LRRC4C: variants seen among roughly 807,000 people sequenced by gnomAD.
LRRC4C encodes the protein leucine-rich repeat-containing protein 4C.
In LRRC4C, 5 loss-of-function variants were observed where a neutral mutation model predicts 33.6. The ratio of observed to expected loss-of-function variants is 0.15; its 90% CI spans 0.08 to 0.31. The LOEUF (loss-of-function observed/expected upper bound fraction) is 0.31. LRRC4C is among the 10% of genes least tolerant of loss of function. The pLI is 1.00. For missense variants in LRRC4C, 560 were observed against 796.7 expected (o/e 0.70, Z 3.58); for synonymous variants, 329 against 302.0 (o/e 1.09, Z -0.93).
chr11:41,162,276 T>TC (rs1944506784), intron 1 of LRRC4C, among the ~76,000 whole-genome samples: 1 of 152,142 alleles, frequency 6.6e-6, no homozygotes, highest in Admixed American at 6.6e-5. Flanking sequence ...CTTGCCTTTA[T>TC]CACCAATAAA....
intron 3 of LRRC4C, among the ~76,000 whole-genome samples, chr11:40,465,669 A>G (rs1197233457): frequency 3.3e-5 from 5 of 152,022 alleles, no homozygotes; most frequent in Admixed American, 6.6e-5. Context: ...AGGAAAATTT[A>G]CAAATGATGA....
chr11:40,224,950 CT>C (rs1257629559), intron 5 of LRRC4C, among the ~76,000 whole-genome samples: 1 of 152,178 alleles, frequency 6.6e-6, no homozygotes, highest in Non-Finnish European at 1.5e-5. Flanking sequence ...AGTCAATCCC[CT>C]CTTCTTAAAA....
At chr11:40,166,454 G>T (rs546876663) in intron 5 of LRRC4C, among the ~76,000 whole-genome samples, 2 of 152,144 alleles carry the variant, frequency 1.3e-5, no homozygotes, top group Non-Finnish European at 2.9e-5. Context: ...GGAGCGGGCA[G>T]TTACTGGAAG....
intron 3 of LRRC4C, among the ~76,000 whole-genome samples, chr11:40,536,487 C>T (rs188071868): frequency 1.4e-4 from 22 of 152,178 alleles, no homozygotes; most frequent in Admixed American, 2.6e-4. Context: ...CCACCGTGCC[C>T]GGCCCCAAAC....
At chr11:40,187,491 C>T (rs1392854708) in intron 5 of LRRC4C, among the ~76,000 whole-genome samples, 1 of 151,972 alleles carries the variant, frequency 6.6e-6, no homozygotes, top group African/African-American at 2.4e-5. Context: ...TGTCTACCTC[C>T]CCTTCTCTGC....
intron 3 of LRRC4C, among the ~76,000 whole-genome samples, chr11:40,580,356 A>T (rs1331102103): frequency 6.9e-6 from 1 of 145,220 alleles, no homozygotes; most frequent in African/African-American, 2.9e-5. Context: ...ATGAGAACTC[A>T]TTCACTATTA....
chr11:40,136,186 G>A (rs1856958453), intron 6 of LRRC4C, among the ~76,000 whole-genome samples: 2 of 151,922 alleles, frequency 1.3e-5, no homozygotes, highest in South Asian at 2.1e-4. Flanking sequence ...AAACTGTATG[G>A]CTTGCAAAGC....
At chr11:40,434,786 T>C (rs577867667) in intron 3 of LRRC4C, among the ~76,000 whole-genome samples, 37 of 152,320 alleles carry the variant, frequency 2.4e-4, no homozygotes, top group Non-Finnish European at 4.6e-4. Context: ...TAAAGTATCA[T>C]ATTTGATTTA....
At chr11:40,179,151 T>A (rs1436267017) in intron 5 of LRRC4C, among the ~76,000 whole-genome samples, 1 of 151,874 alleles carries the variant, frequency 6.6e-6, no homozygotes, top group Non-Finnish European at 1.5e-5. Context: ...ACTGCGGGTG[T>A]GTGCCACCAT....
At chr11:40,336,842 CGGG>C (rs902055001) in intron 3 of LRRC4C, among the ~76,000 whole-genome samples, 1 of 151,276 alleles carries the variant, frequency 6.6e-6, no homozygotes, top group Admixed American at 6.6e-5. Context: ...TCGGGAGTGG[CGGG>C]GGGCGCCTGT....
rs571305028 is a variant in LRRC4C at position 41,450,556 on chromosome 11, G to C, written c.-496+8875C>G. The stretch of plus-strand genomic sequence containing the variant: ...TTCAGGTAGACACTGCTTTTAATGA[G>C]TTTTTATCTTGGGCAAATCACAAGT... On this transcript the variant is annotated intron_variant, in intron 1 of 6. Coordinates refer to ENST00000528697, the MANE Select transcript of LRRC4C (RefSeq NM_001258419.2). 2.0e-5 allele frequency among the ~76,000 whole-genome samples: 3 copies of C among 152,208 alleles called. No individual in the cohort carries two copies. The South Asian group carries it at 6.2e-4, about 32-fold the overall frequency.
At chr11:40,897,758 G>C (rs1221149471) in intron 2 of LRRC4C, among the ~76,000 whole-genome samples, 1 of 152,108 alleles carries the variant, frequency 6.6e-6, no homozygotes, top group African/African-American at 2.4e-5. Context: ...TCTCTTAACT[G>C]ACTGACCTAC....
intron 1 of LRRC4C, among the ~76,000 whole-genome samples, chr11:41,214,573 T>TACAAAAAAAAAAAAAAAAAAAA (rs1946959762): frequency 1.0e-4 from 2 of 19,388 alleles, no homozygotes; most frequent in African/African-American, 5.7e-4. Flanking sequence ...CTACTAAAAA[T>TACAAAAAAAAAAAAAAAAAAAA]ACAAAAAAAA....
chr11:40,380,897 A>G (rs1948837338), intron 3 of LRRC4C, among the ~76,000 whole-genome samples: 1 of 152,210 alleles, frequency 6.6e-6, no homozygotes, highest in Non-Finnish European at 1.5e-5. Flanking sequence ...TAAAAAGAAA[A>G]ATGATCTTCT....
At chr11:41,038,196 C>A (rs1427610859) in intron 1 of LRRC4C, among the ~76,000 whole-genome samples, 1 of 152,142 alleles carries the variant, frequency 6.6e-6, no homozygotes, top group East Asian at 1.9e-4. Flanking sequence ...GTACGCAGAG[C>A]AAATATAGTC....
chr11:40,586,395 T>C (rs985451428), intron 3 of LRRC4C, among the ~76,000 whole-genome samples: 4 of 147,560 alleles, frequency 2.7e-5, no homozygotes, highest in African/African-American at 7.6e-5. Context: ...GATGAGTAGG[T>C]TGTGAAAATT....
intron 5 of LRRC4C, among the ~76,000 whole-genome samples, chr11:40,226,388 T>A (rs920458843): frequency 2.6e-5 from 4 of 152,190 alleles, no homozygotes; most frequent in Non-Finnish European, 5.9e-5. Context: ...CAGCATCACA[T>A]TAAACTCCAC....
At chr11:40,588,030 G>A (rs963327703) in intron 3 of LRRC4C, among the ~76,000 whole-genome samples, 19 of 151,900 alleles carry the variant, frequency 1.3e-4, no homozygotes, top group African/African-American at 4.4e-4. Flanking sequence ...TCTATTGATT[G>A]GAATAGTTTC....
intron 1 of LRRC4C, among the ~76,000 whole-genome samples, chr11:41,025,783 A>T (rs1856303312): frequency 6.6e-6 from 1 of 151,764 alleles, no homozygotes; most frequent in Non-Finnish European, 1.5e-5. Flanking sequence ...TAGAACTTTC[A>T]TAGCTAGAGA....
Sources: gnomAD v4.1 joint callset for allele counts (sites outside exome capture counted in the v4.1 genomes callset) on GRCh38, gnomAD v4.1.1 for gene constraint, MANE v1.5 for transcripts, NCBI Gene and HGNC (gene_info 2026-07-23, HGNC 2026-07-21) for gene names.